Variants in DACH1 observed in about 807,000 individuals in gnomAD.
DACH1 encodes the protein dachshund homolog 1.
Under a neutral mutation model 54.2 loss-of-function variants are expected in DACH1, and 12 were observed. The observed-to-expected ratio is 0.22, with a 90% CI of 0.14 to 0.36. The LOEUF (loss-of-function observed/expected upper bound fraction) is 0.36. DACH1 is among the 10% of genes least tolerant of loss of function. The pLI, the probability that DACH1 is intolerant of heterozygous loss-of-function variation, is 1.00. For synonymous variants in DACH1, 386 were observed against 366.2 expected, an observed-to-expected ratio of 1.05 and a Z score of -0.62; for missense variants, 805 against 929.8, an observed-to-expected ratio of 0.87 and a Z score of 1.75.
chr13:71,768,817 T>A (rs901792292), intron 1 of DACH1, among the ~76,000 whole-genome samples: 12 of 152,020 alleles, frequency 7.9e-5, no homozygotes, highest in African/African-American at 2.9e-4. Context: ...ATTTTTAACA[T>A]CATAATTTGC....
intron 1 of DACH1, among the ~76,000 whole-genome samples, chr13:71,768,303 AC>A (rs139880008): frequency 0.28 from 42,289 of 151,744 alleles, 6,200 homozygotes; most frequent in African/African-American, 0.3. Context: ...GTATAAGGCC[AC>A]AAAAAGATGT....
At chr13:71,492,992 A>G (rs147224688) in intron 6 of DACH1, among the ~76,000 whole-genome samples, 383 of 152,062 alleles carry the variant, frequency 2.5e-3, no homozygotes, top group African/African-American at 8.9e-3. Context: ...TTACATAACA[A>G]ATATTTTAAC....
intron 6 of DACH1, among the ~76,000 whole-genome samples, chr13:71,548,167 A>G (rs1211375889): frequency 1.3e-5 from 2 of 152,192 alleles, no homozygotes; most frequent in Non-Finnish European, 2.9e-5. Flanking sequence ...AACAAACAAG[A>G]AATTTATTTG....
chr13:71,823,284 C>T (rs370498655), intron 1 of DACH1, among the ~76,000 whole-genome samples: 9 of 152,038 alleles, frequency 5.9e-5, no homozygotes, highest in African/African-American at 1.9e-4. Flanking sequence ...ATTATTAAGA[C>T]AAAGGAAAGG....
At chr13:71,757,818 T>C (rs1404439964) in intron 1 of DACH1, among the ~76,000 whole-genome samples, 4 of 152,110 alleles carry the variant, frequency 2.6e-5, no homozygotes, top group African/African-American at 9.7e-5. Flanking sequence ...CCACCACGCC[T>C]GGCCTTAAAG....
intron 3 of DACH1, among the ~76,000 whole-genome samples, chr13:71,576,944 T>G: frequency 6.6e-6 from 1 of 152,108 alleles, no homozygotes; most frequent in East Asian, 1.9e-4. Flanking sequence ...CACCACAACT[T>G]CTGTGGCTAC....
At chr13:71,600,458 C>A (rs1392902783) in intron 3 of DACH1, among the ~76,000 whole-genome samples, 1 of 151,908 alleles carries the variant, frequency 6.6e-6, no homozygotes, top group Non-Finnish European at 1.5e-5. Flanking sequence ...ATTTGATTTA[C>A]CTGTCCTTAT....
intron 1 of DACH1, among the ~76,000 whole-genome samples, chr13:71,826,432 G>T (rs1483668007): frequency 6.6e-6 from 1 of 151,950 alleles, no homozygotes; most frequent in Admixed American, 6.6e-5. Flanking sequence ...GCAAGGCTGT[G>T]ATCATGATTT....
intron 6 of DACH1, among the ~76,000 whole-genome samples, 172 bp downstream of exon 6, chr13:71,556,852 T>C (rs1440736221): frequency 6.6e-6 from 1 of 152,148 alleles, no homozygotes; most frequent in Non-Finnish European, 1.5e-5. Flanking sequence ...TTCATTCTTA[T>C]CTCTTTTTTG....
intron 1 of DACH1, among the ~76,000 whole-genome samples, chr13:71,780,531 T>C (rs1886327146): frequency 6.6e-6 from 1 of 152,012 alleles, no homozygotes; most frequent in Admixed American, 6.6e-5. Flanking sequence ...TAGCTACAAG[T>C]TGATAGAATT....
chr13:71,689,903 A>G (rs1881388337), intron 1 of DACH1, among the ~76,000 whole-genome samples: 8 of 152,174 alleles, frequency 5.3e-5, no homozygotes, highest in Admixed American at 4.6e-4. Context: ...GAATATACAT[A>G]AGGTCTAAGT....
At chr13:71,602,122 A>AT (rs1275036238) in intron 3 of DACH1, among the ~76,000 whole-genome samples, 3 of 152,142 alleles carry the variant, frequency 2.0e-5, no homozygotes, top group African/African-American at 7.2e-5. Flanking sequence ...ATTTGACTCT[A>AT]TAAATATGGC....
Position 71,806,368 on chromosome 13 carries a change from G to A in DACH1, c.848+59554C>T, listed in dbSNP as rs148491357. Among the ~76,000 whole-genome samples, 212 of 152,238 alleles carry A rather than the reference G, an allele frequency of 1.4e-3. 1 individual carries two copies. Among genetic ancestry groups the A allele is most frequent in the African/African-American group, 4.9e-3 (202 of 41,554 alleles). On this transcript the variant is annotated intron_variant, in intron 1 of 10. Coordinates refer to ENST00000613252, the MANE Select transcript of DACH1 (RefSeq NM_080759.6). ...GAATTATACAGTTTCCTTTTGATAT[G>A]TGGCATTAATGTTATACCCTGGGAA...
Position 71,453,399 on chromosome 13 carries a change from G to A in DACH1, c.2084-12707C>T, listed in dbSNP as rs548630872. 3.0e-4 allele frequency among the ~76,000 whole-genome samples: 45 copies of A among 152,122 alleles called. No homozygotes were observed. In the South Asian group the frequency reaches 8.9e-3, roughly 30 times the overall value. ...AGATGCTACAGAGAAGGAAAACAGGGATATTTTGATTCATTTCAAGCCTTT... is the reference window on the plus strand; with the variant it reads ...AGATGCTACAGAGAAGGAAAACAGGAATATTTTGATTCATTTCAAGCCTTT... On this transcript the variant is annotated intron_variant, in intron 10 of 10. Coordinates refer to ENST00000613252, the MANE Select transcript of DACH1 (RefSeq NM_080759.6).
chr13:71,543,477 G>T (rs112206385), intron 6 of DACH1, among the ~76,000 whole-genome samples: 1 of 151,916 alleles, frequency 6.6e-6, no homozygotes, highest in Non-Finnish European at 1.5e-5. Context: ...CTCTTGATTC[G>T]CATAATGTTT....
chr13:71,770,024 T>G (rs1885789253), intron 1 of DACH1, among the ~76,000 whole-genome samples: 2 of 151,752 alleles, frequency 1.3e-5, no homozygotes, highest in Non-Finnish European at 3.0e-5. Flanking sequence ...TGTCCTTCAG[T>G]GCATTAGAAT....
intron 3 of DACH1, among the ~76,000 whole-genome samples, chr13:71,585,847 A>G (rs2138445930): frequency 6.6e-6 from 1 of 152,276 alleles, no homozygotes; most frequent in South Asian, 2.1e-4. Context: ...TGACATTGAT[A>G]TGACCAGGGC....
At chr13:71,591,059 A>T (rs572157993) in intron 3 of DACH1, among the ~76,000 whole-genome samples, 1 of 151,492 alleles carries the variant, frequency 6.6e-6, no homozygotes, top group Non-Finnish European at 1.5e-5. Context: ...TTGTATTTTT[A>T]GTAGAAATGA....
At chr13:71,485,897 A>G (rs1878463795) in intron 7 of DACH1, among the ~76,000 whole-genome samples, 1 of 151,880 alleles carries the variant, frequency 6.6e-6, no homozygotes, top group African/African-American at 2.4e-5. Context: ...TAATTTCTAT[A>G]ACACTTAAAT....
Sources: allele counts gnomAD v4.1 joint callset (sites outside exome capture counted in the v4.1 genomes callset), GRCh38; gene constraint gnomAD v4.1.1; transcripts MANE v1.5; gene names NCBI Gene and HGNC (gene_info 2026-07-23, HGNC 2026-07-21).